The following IL1RAPL2 variants were observed in gnomAD, a reference collection of about 807,000 sequenced individuals.
IL1RAPL2 encodes the protein interleukin 1 receptor accessory protein like 2.
A neutral mutation model predicts 44.1 loss-of-function variants in IL1RAPL2; 3 were observed. The ratio of observed to expected loss-of-function variants is 0.07; its 90% CI spans 0.03 to 0.18. The LOEUF is 0.18. Among genes scored for constraint, IL1RAPL2 ranks in the 10% least tolerant of loss-of-function variants. IL1RAPL2 has a pLI of 1.00. For synonymous variants in IL1RAPL2, 181 were observed against 178.8 expected, an observed-to-expected ratio of 1.01 and a Z score of -0.10; for missense variants, 391 against 496.4, an observed-to-expected ratio of 0.79 and a Z score of 2.02.
intron 2 of IL1RAPL2, among the ~76,000 whole-genome samples, chrX:104,935,255 T>G (rs1186594734): frequency 8.9e-6 from 1 of 112,245 alleles, no homozygotes; most frequent in Non-Finnish European, 1.9e-5. Context: ...TCCAGTTGTT[T>G]TAAATTCCAT....
chrX:105,353,113 G>A (rs1178001778), intron 5 of IL1RAPL2, among the ~76,000 whole-genome samples: 1 of 111,442 alleles, frequency 9.0e-6, no homozygotes, highest in Non-Finnish European at 1.9e-5. Flanking sequence ...TTTGTATAAG[G>A]TGTAAGGAAG....
chrX:104,910,779 C>G (rs993050082), intron 2 of IL1RAPL2, among the ~76,000 whole-genome samples: 2 of 111,832 alleles, frequency 1.8e-5, no homozygotes, highest in East Asian at 5.6e-4. Context: ...CATGAGCTCT[C>G]TATACAGAAA....
At chrX:104,685,709 T>G (rs1419768612) in intron 2 of IL1RAPL2, among the ~76,000 whole-genome samples, 1 of 110,972 alleles carries the variant, frequency 9.0e-6, no homozygotes, top group East Asian at 2.8e-4. Context: ...ACATGGCACA[T>G]GTATACATAT....
At chrX:105,247,262 A>T (rs1348640243) in intron 4 of IL1RAPL2, among the ~76,000 whole-genome samples, 1 of 110,741 alleles carries the variant, frequency 9.0e-6, no homozygotes, top group Non-Finnish European at 1.9e-5. Flanking sequence ...ACATGTGGCC[A>T]ATTAGATTCA....
intron 8 of IL1RAPL2, among the ~76,000 whole-genome samples, chrX:105,745,642 C>T (rs2038534954): frequency 9.0e-6 from 1 of 111,445 alleles, no homozygotes; most frequent in African/African-American, 3.3e-5. Flanking sequence ...GTTCTACCCT[C>T]ATGATCTAAT....
Position 104,660,949 on chromosome X carries a change from C to T in IL1RAPL2, c.82+1954C>T, listed in dbSNP as rs113679921. 2.6e-3 allele frequency among the ~76,000 whole-genome samples: 258 copies of T among 100,408 alleles called. 1 individual carries two copies. The highest frequency in any genetic ancestry group is 6.4e-3 in the African/African-American group (169 of 26,566). The allele number at this position is 100,408 out of a possible 115,157, so 87.2% of individuals were successfully genotyped here. On this transcript the variant is annotated intron_variant, in intron 2 of 10. Transcript: ENST00000372582. ...CCCTGTCTATATATATATATATATA[C>T]ACACACACACACACACATACACACA... is the stretch of plus-strand genomic sequence containing the variant.
chrX:104,589,251 G>A (rs757141628), intron 1 of IL1RAPL2, among the ~76,000 whole-genome samples: 17 of 112,143 alleles, frequency 1.5e-4, no homozygotes, highest in African/African-American at 1.9e-4. Context: ...TAGGCCATCC[G>A]CAAGTTTAGA....
At chrX:104,772,284 A>G (rs1295497651) in intron 2 of IL1RAPL2, among the ~76,000 whole-genome samples, 3 of 112,265 alleles carry the variant, frequency 2.7e-5, no homozygotes, top group Non-Finnish European at 5.6e-5. Flanking sequence ...ATTCACATTT[A>G]TATGCATGAT....
intron 2 of IL1RAPL2, among the ~76,000 whole-genome samples, chrX:104,726,990 A>G (rs1336564891): frequency 9.0e-6 from 1 of 110,704 alleles, no homozygotes; most frequent in African/African-American, 3.3e-5. Flanking sequence ...GAAAATTAAA[A>G]AAAAAAATCC....
At chrX:104,685,400 T>A (rs184168269) in intron 2 of IL1RAPL2, among the ~76,000 whole-genome samples, 4 of 112,127 alleles carry the variant, frequency 3.6e-5, no homozygotes, top group African/African-American at 1.3e-4. Context: ...GTAATGTGGG[T>A]ACCTGTTCGG....
intron 5 of IL1RAPL2, among the ~76,000 whole-genome samples, chrX:105,376,766 C>A (rs992372384): frequency 2.7e-5 from 3 of 111,249 alleles, no homozygotes; most frequent in Non-Finnish European, 3.8e-5. Flanking sequence ...TCTAATTGTC[C>A]TTTTTAATGA....
chrX:105,503,168 A>C (rs1217236776), intron 6 of IL1RAPL2, among the ~76,000 whole-genome samples: 1 of 111,411 alleles, frequency 9.0e-6, no homozygotes, highest in African/African-American at 3.3e-5. Flanking sequence ...ATATGGAAAA[A>C]CATAACTTTT....
chrX:105,122,272 C>T (rs1358314936), intron 2 of IL1RAPL2, among the ~76,000 whole-genome samples: 2 of 111,572 alleles, frequency 1.8e-5, no homozygotes, highest in African/African-American at 3.2e-5. Context: ...ACAAGTTCTA[C>T]AAGAGGGTTT....
intron 5 of IL1RAPL2, among the ~76,000 whole-genome samples, chrX:105,293,647 T>C (rs918666378): frequency 1.8e-5 from 2 of 112,248 alleles, no homozygotes; most frequent in African/African-American, 6.5e-5. Context: ...TATAATTCAA[T>C]ATGGTTATGT....
intron 2 of IL1RAPL2, among the ~76,000 whole-genome samples, chrX:104,787,744 A>G (rs919896976): frequency 1.8e-5 from 2 of 111,751 alleles, no homozygotes; most frequent in African/African-American, 6.5e-5. Context: ...CATTAAAATC[A>G]ACTAGAGAGC....
At chrX:105,742,991 T>A (rs1382515105) in intron 8 of IL1RAPL2, among the ~76,000 whole-genome samples, 1 of 111,117 alleles carries the variant, frequency 9.0e-6, no homozygotes, top group Non-Finnish European at 1.9e-5. Flanking sequence ...CTATATCTAC[T>A]CCACTAGCAA....
chrX:104,582,304 C>G (rs1928363624), intron 1 of IL1RAPL2, among the ~76,000 whole-genome samples: 2 of 111,603 alleles, frequency 1.8e-5, no homozygotes, highest in African/African-American at 6.5e-5. Flanking sequence ...TCAGAGCACC[C>G]AACTAGCAAA....
chrX:104,910,198 C>A (rs1216354006), intron 2 of IL1RAPL2, among the ~76,000 whole-genome samples: 1 of 112,229 alleles, frequency 8.9e-6, no homozygotes, highest in Admixed American at 9.4e-5. Context: ...GGCAATGCCT[C>A]GCCATGCTTC....
chrX:104,627,219 C>T (rs1929526560), intron 1 of IL1RAPL2, among the ~76,000 whole-genome samples: 1 of 107,322 alleles, frequency 9.3e-6, no homozygotes, highest in Non-Finnish European at 1.9e-5. Flanking sequence ...GTTCAATTCC[C>T]ACCTATGAGT....
Sources: allele counts gnomAD v4.1 joint callset (sites outside exome capture counted in the v4.1 genomes callset), GRCh38; gene constraint gnomAD v4.1.1; transcripts MANE v1.5; gene names NCBI Gene and HGNC (gene_info 2026-07-23, HGNC 2026-07-21).